CNTNAP2: variants seen among roughly 807,000 people sequenced by gnomAD.
CNTNAP2 encodes the protein contactin-associated protein-like 2.
A neutral mutation model predicts 155.2 loss-of-function variants in CNTNAP2; 98 were observed. The observed-to-expected ratio is 0.63, with a 90% confidence interval of 0.54 to 0.75. CNTNAP2 has a LOEUF of 0.75. CNTNAP2 is among the 30% of genes least tolerant of loss of function. The pLI is 0.00. For missense variants in CNTNAP2, 1,727 were observed against 1,688.1 expected, an observed-to-expected ratio of 1.02 and a Z score of -0.40; for synonymous variants, 651 against 631.2, an observed-to-expected ratio of 1.03 and a Z score of -0.47.
At chr7:147,897,531 C>T (rs887632066) in intron 13 of CNTNAP2, among the ~76,000 whole-genome samples, 1 of 152,026 alleles carries the variant, frequency 6.6e-6, no homozygotes, top group African/African-American at 2.4e-5. Context: ...TTTTTGAATG[C>T]AATGCAAAAA....
intron 1 of CNTNAP2, among the ~76,000 whole-genome samples, chr7:146,615,692 C>T (rs1418192918): frequency 1.3e-5 from 2 of 152,174 alleles, no homozygotes; most frequent in Non-Finnish European, 2.9e-5. Flanking sequence ...TTCATATCAC[C>T]TGGGAGCAGC....
At chr7:146,145,317 T>C (rs1029508369) in intron 1 of CNTNAP2, among the ~76,000 whole-genome samples, 1 of 152,178 alleles carries the variant, frequency 6.6e-6, no homozygotes, top group Non-Finnish European at 1.5e-5. Flanking sequence ...CAGCTTTAGC[T>C]AGAATGATGG....
At position 146,831,903 on chromosome 7, in the gene CNTNAP2, A is replaced by T. The variant is rs1014837661; in HGVS notation, c.209-7808A>T. On this transcript the variant is annotated intron_variant, in intron 2 of 23. Transcript: ENST00000361727. ...TTCTTTCTTCTGTTTTGCTTAAAAA[A>T]TAGCTTTCAAGCTCTTTTGTTTGAA... is the stretch of plus-strand genomic sequence containing the variant. Among the ~76,000 whole-genome samples the T allele has an allele frequency of 5.3e-5, 8 of 152,270 alleles. No individual in the cohort carries two copies. In the East Asian group the frequency reaches 1.5e-3, roughly 29 times the overall value.
chr7:147,669,862 T>C (rs851727), intron 13 of CNTNAP2, among the ~76,000 whole-genome samples: 27,532 of 152,114 alleles, frequency 0.18, 4,911 homozygotes, highest in African/African-American at 0.45. Flanking sequence ...ATAAACTAAA[T>C]TATGTTTTCC....
At chr7:146,824,504 A>G (rs1803361257) in intron 2 of CNTNAP2, among the ~76,000 whole-genome samples, 1 of 152,148 alleles carries the variant, frequency 6.6e-6, no homozygotes. Flanking sequence ...ACTCCTACCA[A>G]CAGTGTGAAA....
chr7:146,451,223 G>C (rs1796476195), intron 1 of CNTNAP2, among the ~76,000 whole-genome samples: 1 of 152,204 alleles, frequency 6.6e-6, no homozygotes, highest in Non-Finnish European at 1.5e-5. Context: ...TGGGATTACA[G>C]GCGTGAGCCA....
intron 14 of CNTNAP2, among the ~76,000 whole-genome samples, chr7:147,905,665 C>A (rs1398133008): frequency 1.3e-5 from 2 of 152,168 alleles, no homozygotes; most frequent in African/African-American, 2.4e-5. Flanking sequence ...AGCAGATCAC[C>A]TGAGGTCAGG....
chr7:146,740,520 G>C (rs1801694455), intron 1 of CNTNAP2, among the ~76,000 whole-genome samples: 1 of 151,956 alleles, frequency 6.6e-6, no homozygotes. Context: ...TCTGATCTTT[G>C]TACTTCTATG....
chr7:146,757,431 C>G (rs1429744971), intron 1 of CNTNAP2, among the ~76,000 whole-genome samples: 1 of 152,068 alleles, frequency 6.6e-6, no homozygotes, highest in Non-Finnish European at 1.5e-5. Flanking sequence ...TTTACATAAG[C>G]AAGTGATAAT....
intron 1 of CNTNAP2, among the ~76,000 whole-genome samples, chr7:146,383,950 G>T (rs1377434568): frequency 6.6e-6 from 1 of 152,092 alleles, no homozygotes; most frequent in East Asian, 1.9e-4. Flanking sequence ...TTTTCATAGA[G>T]AATGGAAAAA....
At chr7:147,805,148 T>C (rs1798069890) in intron 13 of CNTNAP2, among the ~76,000 whole-genome samples, 1 of 151,854 alleles carries the variant, frequency 6.6e-6, no homozygotes, top group Non-Finnish European at 1.5e-5. Flanking sequence ...CTTGGCTCAC[T>C]GCAACCTCCA....
At chr7:147,076,385 A>G (rs1800002130) in intron 4 of CNTNAP2, among the ~76,000 whole-genome samples, 1 of 152,278 alleles carries the variant, frequency 6.6e-6, no homozygotes, top group East Asian at 1.9e-4. Context: ...ATGGCCAGTG[A>G]TGATGAGCAT....
intron 22 of CNTNAP2, among the ~76,000 whole-genome samples, chr7:148,407,395 C>G (rs6464885): frequency 0.11 from 17,118 of 152,146 alleles, 2,014 homozygotes; most frequent in African/African-American, 0.3. Flanking sequence ...CCCTGCCTAG[C>G]TAACTGGATT....
chr7:146,138,532 A>G (rs2177861), intron 1 of CNTNAP2, among the ~76,000 whole-genome samples: 1 of 152,176 alleles, frequency 6.6e-6, no homozygotes, highest in African/African-American at 2.4e-5. Context: ...ATTCACAAGT[A>G]TTAGGGACAT....
At chr7:148,188,525 T>C (rs1343835963) in intron 18 of CNTNAP2, among the ~76,000 whole-genome samples, 1 of 152,220 alleles carries the variant, frequency 6.6e-6, no homozygotes, top group Non-Finnish European at 1.5e-5. Context: ...TCTTTGCTGA[T>C]CTTGCCTAAA....
intron 2 of CNTNAP2, among the ~76,000 whole-genome samples, chr7:146,775,075 C>T (rs1003248607): frequency 1.4e-4 from 22 of 152,128 alleles, no homozygotes; most frequent in Non-Finnish European, 5.9e-5. Context: ...ACAATATTAT[C>T]TCAGATAAAT....
At chr7:147,977,828 C>T in intron 14 of CNTNAP2, 34 bp from the exon 15 acceptor site, 1 of 1,613,810 alleles carries the variant, frequency 6.2e-7, no homozygotes, top group Non-Finnish European at 8.5e-7. Flanking sequence ...AATGCAGCCT[C>T]CTCATTCTTT....
At chr7:147,983,883 G>C (rs913892317) in intron 15 of CNTNAP2, among the ~76,000 whole-genome samples, 8 of 152,274 alleles carry the variant, frequency 5.3e-5, no homozygotes, top group South Asian at 2.1e-4. Context: ...ACCTTTAAAA[G>C]GTGCTTAGAC....
chr7:147,566,609 C>A (rs1412489095), intron 12 of CNTNAP2, among the ~76,000 whole-genome samples: 4 of 152,078 alleles, frequency 2.6e-5, no homozygotes, highest in African/African-American at 9.7e-5. Flanking sequence ...CATGTGAAGG[C>A]AGAATTGTCA....
Sources: gnomAD v4.1 joint callset for allele counts (sites outside exome capture counted in the v4.1 genomes callset) on GRCh38, gnomAD v4.1.1 for gene constraint, MANE v1.5 for transcripts, NCBI Gene and HGNC (gene_info 2026-07-23, HGNC 2026-07-21) for gene names.